The following PCDHGB5 variants were observed in gnomAD, a reference collection of about 807,000 sequenced individuals.
PCDHGB5 encodes the protein protocadherin gamma subfamily B, 5.
Under a neutral mutation model 62.9 loss-of-function variants are expected in PCDHGB5, and 48 were observed. That is an observed-to-expected ratio of 0.76 (90% CI 0.61 to 0.97). The LOEUF (loss-of-function observed/expected upper bound fraction) is 0.97, where lower values mean the gene tolerates loss of function less well. Among genes scored for constraint, PCDHGB5 ranks in the 50% least tolerant of loss-of-function variants. PCDHGB5 has a pLI of 0.00. For missense variants in PCDHGB5, 1,118 were observed against 1,198.6 expected, an observed-to-expected ratio of 0.93 and a Z score of 0.99; for synonymous variants, 474 against 511.2, an observed-to-expected ratio of 0.93 and a Z score of 0.98.
chr5:141,454,974 A>AT (rs2098808620), intron 1 of PCDHGB5, among the ~76,000 whole-genome samples: 1 of 151,182 alleles, frequency 6.6e-6, no homozygotes, highest in African/African-American at 2.4e-5. Context: ...CGCCTGGCTA[A>AT]TTTTTTAAAA....
In PCDHGB5 at chr5:141,400,507, A is replaced by G. The variant is rs1158150708; in HGVS notation, c.2380A>G (p.Thr794Ala). 6.2e-7 allele frequency: 1 copy of G among 1,613,864 alleles called. No individual in the cohort carries two copies. The highest frequency in any genetic ancestry group is 8.5e-7 in the Non-Finnish European group (1 of 1,179,870). Residue 794 changes from threonine (T) to alanine (A), a missense_variant, in exon 1 of 4, where the codon ACT (threonine) becomes GCT (alanine). This residue lies in a region of PCDHGB5 where 1,034 missense variants were observed against 1,029.1 expected (regional missense o/e 1.00). Transcript: ENST00000617380. ...LFPLCNSSES[T>A]SHPELQAPPN... Reference sequence around the variant, plus strand: ...TCCACTTTGTAATTCCAGCGAGTCGACTTCCCATCCTGAGTTGGTGAGTTT... The same window carrying G: ...TCCACTTTGTAATTCCAGCGAGTCGGCTTCCCATCCTGAGTTGGTGAGTTT...
intron 1 of PCDHGB5, chr5:141,409,276 G>T: frequency 6.2e-7 from 1 of 1,614,000 alleles, no homozygotes; most frequent in Non-Finnish European, 8.5e-7. Flanking sequence ...AGATTTTGGA[G>T]AATTCACCTC....
chr5:141,471,635 A>G (rs1477641248), intron 1 of PCDHGB5: 1 of 152,224 alleles, frequency 6.6e-6, no homozygotes, highest in Non-Finnish European at 1.5e-5. Context: ...GGTATGGATT[A>G]GTAATATACT....
At chr5:141,475,866 C>T in intron 1 of PCDHGB5, 1 of 504,862 alleles carries the variant, frequency 2.0e-6, no homozygotes, top group South Asian at 2.9e-5. Context: ...GCTCATTCTT[C>T]GTGCAGTTAT....
chr5:141,462,682 G>T (rs560423384), intron 1 of PCDHGB5, among the ~76,000 whole-genome samples: 2 of 151,790 alleles, frequency 1.3e-5, no homozygotes, highest in Non-Finnish European at 2.9e-5. Context: ...TTAAATTTTT[G>T]AGCACATTTA....
In PCDHGB5 at chr5:141,398,586, A is replaced by C; in HGVS notation, c.459A>C (p.Ile153=). 1 of 1,614,054 alleles carries C rather than the reference A, an allele frequency of 6.2e-7. No individual in the cohort carries two copies. The highest frequency in any genetic ancestry group is 1.7e-5 in the Admixed American group (1 of 60,028). ...SESAQPGTRF[I]LEVAEDADIG... ...CTGCACAGCCTGGCACAAGATTTAT[A>C]CTAGAAGTAGCAGAAGATGCAGATA... The change falls in exon 1 of 4, where the codon ATA becomes ATC. Residue 153 remains isoleucine, a synonymous_variant. Coordinates refer to ENST00000617380, the MANE Select transcript of PCDHGB5 (RefSeq NM_018925.3).
At position 141,399,030 on chromosome 5, in the gene PCDHGB5, G is replaced by C; in HGVS notation, c.903G>C (p.Lys301Asn). 6.2e-7 allele frequency: 1 copy of C among 1,613,824 alleles called. No individual in the cohort carries two copies. Among genetic ancestry groups the C allele is most frequent in the Non-Finnish European group, 8.5e-7 (1 of 1,179,842 alleles). Residue 301 changes from lysine to asparagine, a missense_variant, in exon 1 of 4, where the codon AAG becomes AAC. By Grantham distance (94) the Lys-to-Asn change is moderately conservative. Around this residue, in one of 2 missense-constraint regions of PCDHGB5, gnomAD observed 1,034 missense variants for 1,029.1 expected, o/e 1.00. Coordinates refer to ENST00000617380, the MANE Select transcript of PCDHGB5 (RefSeq NM_018925.3). ...AGAGCGGAGAAATTACCACTCAAAA[G>C]AAACTGGATTTTGAAGAGACCAAGG... ...NSKSGEITTQ[K>N]KLDFEETKEY... is the part of the protein sequence containing the mutation.
At chr5:141,403,430 C>A in intron 1 of PCDHGB5, 1 of 1,614,022 alleles carries the variant, frequency 6.2e-7, no homozygotes, top group Non-Finnish European at 8.5e-7. Flanking sequence ...AGCTATTGAT[C>A]CGGATGTTGG....
chr5:141,421,265 T>G (rs2154549151), intron 1 of PCDHGB5: 1 of 1,596,914 alleles, frequency 6.3e-7, no homozygotes, highest in Non-Finnish European at 8.5e-7. Flanking sequence ...CGCAGTCGGC[T>G]GCTGCTGCTG....
At chr5:141,449,658 C>T (rs1413506303) in intron 1 of PCDHGB5, among the ~76,000 whole-genome samples, 5 of 149,582 alleles carry the variant, frequency 3.3e-5, no homozygotes, top group Admixed American at 3.3e-4. Flanking sequence ...TTTACATACA[C>T]ACCCAAGTGT....
intron 1 of PCDHGB5, among the ~76,000 whole-genome samples, chr5:141,466,776 C>T (rs2099129231): frequency 6.6e-6 from 1 of 152,104 alleles, no homozygotes; most frequent in African/African-American, 2.4e-5. Flanking sequence ...TTATCTTATT[C>T]TTCTTAGTGC....
rs1207371456 is a variant in PCDHGB5 at position 141,487,371 on chromosome 5, G to A, written c.2398-7436G>A. On this transcript the variant is annotated intron_variant, in intron 1 of 3. Transcript: ENST00000617380. The surrounding 1 kb of genome is among the most constrained non-coding windows in gnomAD (Gnocchi z 5.0). ...TGCTTTCCTGCTGGCACCTGTGCCT[G>A]TCTCACCAGATCTCGAAGGAGGGAG... The A allele has an allele frequency of 4.3e-6, 7 of 1,614,076 alleles. No individual in the cohort carries two copies. In the Admixed American group the frequency reaches 5.0e-5, roughly 12 times the overall value.
intron 1 of PCDHGB5, chr5:141,427,539 A>G: frequency 1.6e-6 from 1 of 632,868 alleles, no homozygotes; most frequent in Non-Finnish European, 2.9e-6. Context: ...GTACAACGTC[A>G]CCATCACTGC....
intron 1 of PCDHGB5, among the ~76,000 whole-genome samples, chr5:141,488,350 C>G (rs1191478919): frequency 6.6e-6 from 1 of 152,176 alleles, no homozygotes; most frequent in Non-Finnish European, 1.5e-5. Context: ...GAAACAGCCA[C>G]CCTGTGCATC....
At chr5:141,407,874 T>C (rs2094995185) in intron 1 of PCDHGB5, 1 of 358,496 alleles carries the variant, frequency 2.8e-6, no homozygotes, top group South Asian at 5.6e-5. Context: ...GAAGAATATA[T>C]ACATTTCGGA....
chr5:141,424,076 A>C, intron 1 of PCDHGB5: 2 of 979,452 alleles, frequency 2.0e-6, no homozygotes, highest in Non-Finnish European at 2.5e-6. Flanking sequence ...TTGTAGTTAT[A>C]TTCCACCATT....
chr5:141,421,709 C>T, intron 1 of PCDHGB5: 1 of 1,613,926 alleles, frequency 6.2e-7, no homozygotes, highest in Non-Finnish European at 8.5e-7. Flanking sequence ...GCTAGGGATC[C>T]AGATGTGGGC....
chr5:141,403,787 T>A (rs1213408515), intron 1 of PCDHGB5: 3 of 1,613,818 alleles, frequency 1.9e-6, no homozygotes, highest in Non-Finnish European at 2.5e-6. Flanking sequence ...AAAAGTGGCA[T>A]ACAAATTCTG....
intron 1 of PCDHGB5, chr5:141,419,310 A>G: frequency 6.2e-7 from 1 of 1,613,948 alleles, no homozygotes; most frequent in Non-Finnish European, 8.5e-7. Flanking sequence ...TTCGGGCTCA[A>G]CGGCCGTGTC....
Sources: gnomAD v4.1 joint callset for allele counts (sites outside exome capture counted in the v4.1 genomes callset) on GRCh38, gnomAD v4.1.1 for gene constraint, gnomAD v4.1.1 regional missense constraint, Gnocchi (gnomAD v3.1) non-coding constraint, MANE v1.5 for transcripts, NCBI Gene and HGNC (gene_info 2026-07-23, HGNC 2026-07-21) for gene names.